ASIC2: variants seen among roughly 807,000 people sequenced by gnomAD.
ASIC2 encodes the protein acid-sensing ion channel 2.
In ASIC2, 25 loss-of-function variants were observed where a neutral mutation model predicts 57.3. The observed-to-expected ratio is 0.44, with a 90% CI of 0.32 to 0.61. ASIC2 has a LOEUF of 0.61. Ranked by LOEUF, ASIC2 falls within the 20% of genes least tolerant of loss-of-function variation. The pLI, the probability that ASIC2 is intolerant of heterozygous loss-of-function variation, is 0.06. For synonymous variants in ASIC2, 319 were observed against 307.5 expected (o/e 1.04, Z -0.39); for missense variants, 641 against 738.1 (o/e 0.87, Z 1.52).
intron 1 of ASIC2, among the ~76,000 whole-genome samples, chr17:33,708,408 G>A (rs1308002719): frequency 2.0e-5 from 3 of 151,778 alleles, no homozygotes; most frequent in South Asian, 2.1e-4. Flanking sequence ...CTTGATCTTC[G>A]TCTTCATAAG....
At chr17:33,044,866 G>C (rs1201238169) in intron 3 of ASIC2, among the ~76,000 whole-genome samples, 1 of 152,200 alleles carries the variant, frequency 6.6e-6, no homozygotes, top group East Asian at 1.9e-4. Flanking sequence ...CTAATTGGGG[G>C]TGCCATCCGG....
chr17:33,337,284 C>A (rs1205489027), intron 1 of ASIC2, among the ~76,000 whole-genome samples: 1 of 152,220 alleles, frequency 6.6e-6, no homozygotes, highest in East Asian at 1.9e-4. Flanking sequence ...GGCTACCATT[C>A]ATTGAGTCCT....
At chr17:33,422,821 G>T (rs533024251) in intron 1 of ASIC2, among the ~76,000 whole-genome samples, 2 of 152,312 alleles carry the variant, frequency 1.3e-5, no homozygotes, top group South Asian at 4.1e-4. Flanking sequence ...GCTGCTAAGG[G>T]CTGCTAAGAT....
At chr17:33,983,455 G>C (rs1248355167) in intron 1 of ASIC2, among the ~76,000 whole-genome samples, 1 of 152,114 alleles carries the variant, frequency 6.6e-6, no homozygotes, top group Non-Finnish European at 1.5e-5. Flanking sequence ...AACAGTTCTG[G>C]ACCCAGTTTC....
intron 1 of ASIC2, among the ~76,000 whole-genome samples, chr17:33,739,864 AGAAG>A (rs1226759319): frequency 5.3e-5 from 8 of 151,628 alleles, no homozygotes; most frequent in African/African-American, 1.2e-4. Context: ...AAAGAAAAAA[AGAAG>A]GAAGGAAAAA....
intron 1 of ASIC2, among the ~76,000 whole-genome samples, chr17:33,398,845 C>T (rs571505541): frequency 1.4e-4 from 22 of 152,298 alleles, no homozygotes; most frequent in African/African-American, 5.1e-4. Context: ...GATGGCAACT[C>T]AAGTCTTATT....
intron 1 of ASIC2, among the ~76,000 whole-genome samples, chr17:33,234,481 G>A (rs1205899246): frequency 1.3e-5 from 2 of 152,166 alleles, no homozygotes; most frequent in East Asian, 1.9e-4. Context: ...CCTCTTCTCT[G>A]CCCACAGGCA....
At position 33,677,834 on chromosome 17, in the gene ASIC2, C is replaced by G. The variant is rs1417774327; in HGVS notation, c.555+478144G>C. 3.9e-5 allele frequency among the ~76,000 whole-genome samples: 6 copies of G among 152,286 alleles called. No individual in the cohort carries two copies. In the East Asian group the frequency reaches 1.2e-3, roughly 29 times the overall value. On this transcript the variant is annotated intron_variant, in intron 1 of 9. Transcript: ENST00000359872. ...ATGGAATCTACTCCTGGTGAAGATACTGTGAATACTATTGACGTAACAAAG... is the reference window on the plus strand; with the variant it reads ...ATGGAATCTACTCCTGGTGAAGATAGTGTGAATACTATTGACGTAACAAAG...
intron 1 of ASIC2, among the ~76,000 whole-genome samples, chr17:33,709,930 C>G (rs1166486309): frequency 1.3e-5 from 2 of 152,198 alleles, no homozygotes; most frequent in African/African-American, 2.4e-5. Context: ...TATGGGCAAC[C>G]CTTATTATCA....
chr17:34,034,083 C>T (rs562115163), intron 1 of ASIC2, among the ~76,000 whole-genome samples: 7 of 152,298 alleles, frequency 4.6e-5, no homozygotes, highest in African/African-American at 1.4e-4. Flanking sequence ...GACCAATATC[C>T]TTGATAAACA....
intron 1 of ASIC2, among the ~76,000 whole-genome samples, chr17:33,448,899 A>G (rs1391371732): frequency 6.6e-6 from 1 of 152,158 alleles, no homozygotes; most frequent in Non-Finnish European, 1.5e-5. Flanking sequence ...GAAAACTTTG[A>G]ACCTAGTCAA....
chr17:33,286,417 A>T (rs1288975588), intron 1 of ASIC2, among the ~76,000 whole-genome samples: 1 of 152,134 alleles, frequency 6.6e-6, no homozygotes, highest in Non-Finnish European at 1.5e-5. Flanking sequence ...GTAGTGAAAG[A>T]AGTCAGAGTT....
At chr17:34,035,427 C>A (rs1312983546) in intron 1 of ASIC2, among the ~76,000 whole-genome samples, 2 of 147,768 alleles carry the variant, frequency 1.4e-5, no homozygotes, top group East Asian at 3.9e-4. Flanking sequence ...ACCATAAAAA[C>A]CCTAGAAGAA....
At chr17:33,339,841 G>T (rs575880035) in intron 1 of ASIC2, among the ~76,000 whole-genome samples, 1 of 152,178 alleles carries the variant, frequency 6.6e-6, no homozygotes, top group Admixed American at 6.5e-5. Context: ...TTTGGCAGTG[G>T]TGACACTTGG....
intron 1 of ASIC2, among the ~76,000 whole-genome samples, chr17:33,749,963 A>T (rs1376758869): frequency 2.6e-5 from 4 of 152,168 alleles, no homozygotes; most frequent in Admixed American, 6.5e-5. Flanking sequence ...ATCTTCTGCC[A>T]GGCGGGACCT....
intron 3 of ASIC2, among the ~76,000 whole-genome samples, chr17:33,054,872 A>G (rs1297588477): frequency 6.6e-6 from 1 of 152,110 alleles, no homozygotes; most frequent in African/African-American, 2.4e-5. Flanking sequence ...GGTTGCTTTT[A>G]TTTTAGGGCG....
At chr17:33,764,694 TGA>T (rs1910883808) in intron 1 of ASIC2, among the ~76,000 whole-genome samples, 1 of 152,166 alleles carries the variant, frequency 6.6e-6, no homozygotes, top group Admixed American at 6.5e-5. Context: ...CATGAATGGA[TGA>T]GTTCATTCTT....
chr17:33,166,710 A>G (rs1905318450), intron 1 of ASIC2, among the ~76,000 whole-genome samples: 1 of 152,188 alleles, frequency 6.6e-6, no homozygotes, highest in African/African-American at 2.4e-5. Context: ...GAGAGTCCAG[A>G]CCACAGGCAG....
intron 1 of ASIC2, among the ~76,000 whole-genome samples, chr17:33,461,929 T>C (rs559234746): frequency 6.6e-6 from 1 of 152,356 alleles, no homozygotes; most frequent in African/African-American, 2.4e-5. Flanking sequence ...TAGCCATTCA[T>C]CTAACAAAAC....
Sources: gnomAD v4.1 joint callset for allele counts (sites outside exome capture counted in the v4.1 genomes callset) on GRCh38, gnomAD v4.1.1 for gene constraint, MANE v1.5 for transcripts, NCBI Gene and HGNC (gene_info 2026-07-23, HGNC 2026-07-21) for gene names.